The following RNGTT variants were observed in gnomAD, a reference collection of about 807,000 sequenced individuals.
The protein encoded by RNGTT is mRNA-capping enzyme.
In RNGTT, 33 loss-of-function variants were observed where a neutral mutation model predicts 79.3. That is an observed-to-expected ratio of 0.42 (90% confidence interval 0.32 to 0.56). The LOEUF is 0.56. Ranked by LOEUF, RNGTT falls within the 20% of genes least tolerant of loss-of-function variation. The pLI, the probability that RNGTT is intolerant of heterozygous loss-of-function variation, is 0.17. For synonymous variants in RNGTT, 222 were observed against 235.9 expected (o/e 0.94, Z 0.54); for missense variants, 497 against 739.1 (o/e 0.67, Z 3.80).
At chr6:88,791,536 TTTTA>T (rs926777810) in intron 12 of RNGTT, among the ~76,000 whole-genome samples, 7 of 151,796 alleles carry the variant, frequency 4.6e-5, no homozygotes, top group African/African-American at 1.7e-4. Flanking sequence ...CTAAATTTTA[TTTTA>T]TTTATTTATT....
intron 12 of RNGTT, among the ~76,000 whole-genome samples, chr6:88,777,683 A>T (rs974228896): frequency 2.0e-5 from 3 of 152,182 alleles, no homozygotes; most frequent in African/African-American, 7.2e-5. Context: ...TATTGAATTA[A>T]CAGGTTTTTT....
chr6:88,715,661 G>A (rs1241283556), intron 13 of RNGTT, among the ~76,000 whole-genome samples: 12 of 151,976 alleles, frequency 7.9e-5, no homozygotes, highest in East Asian at 3.9e-4. Flanking sequence ...AAATAATGCC[G>A]CATATCTACA....
At chr6:88,623,342 A>C (rs1019778816) in intron 14 of RNGTT, among the ~76,000 whole-genome samples, 1 of 152,084 alleles carries the variant, frequency 6.6e-6, no homozygotes, top group Non-Finnish European at 1.5e-5. Context: ...ATAATTAACT[A>C]TATCGGTAAA....
At chr6:88,773,208 A>G (rs200392867) in intron 12 of RNGTT, among the ~76,000 whole-genome samples, 189 of 144,636 alleles carry the variant, frequency 1.3e-3, no homozygotes, top group East Asian at 2.3e-3. Context: ...TTCTCAGTAA[A>G]CTATCGCAAG....
chr6:88,732,413 T>G (rs1404505372), intron 13 of RNGTT, among the ~76,000 whole-genome samples: 1 of 152,146 alleles, frequency 6.6e-6, no homozygotes, highest in Admixed American at 6.5e-5. Flanking sequence ...CTGCTGGGAA[T>G]GTACAATGGT....
intron 12 of RNGTT, among the ~76,000 whole-genome samples, chr6:88,796,960 G>A (rs1779621631): frequency 6.6e-6 from 1 of 151,994 alleles, no homozygotes; most frequent in Non-Finnish European, 1.5e-5. Flanking sequence ...CCTGAGCTAC[G>A]GTTTATTGCA....
intron 11 of RNGTT, among the ~76,000 whole-genome samples, chr6:88,809,469 C>T (rs1391887240): frequency 6.6e-6 from 1 of 152,016 alleles, no homozygotes; most frequent in Admixed American, 6.5e-5. Flanking sequence ...ATACTCCACC[C>T]AAACCAGGAA....
Position 88,767,581 on chromosome 6 carries a change from C to T in RNGTT, c.1439+2193G>A, listed in dbSNP as rs1160403295. Among the ~76,000 whole-genome samples the T allele has an allele frequency of 2.1e-5, 3 of 145,376 alleles. No individual in the cohort carries two copies. In the Admixed American group the frequency reaches 2.1e-4, roughly 10 times the overall value. On this transcript the variant is annotated intron_variant, in intron 13 of 15. Transcript: ENST00000369485. The stretch of plus-strand genomic sequence containing the variant: ...ACTCTTTAACCAAATACAAATATAG[C>T]ATTAAGAAAAATAGAAGATTTAGTA...
intron 13 of RNGTT, among the ~76,000 whole-genome samples, chr6:88,704,918 GT>G (rs1776080591): frequency 6.6e-6 from 1 of 151,860 alleles, no homozygotes; most frequent in South Asian, 2.1e-4. Flanking sequence ...TCTGGACCAG[GT>G]AGAGCTCCCC....
intron 13 of RNGTT, among the ~76,000 whole-genome samples, chr6:88,766,186 A>G (rs1778454681): frequency 6.6e-6 from 1 of 152,146 alleles, no homozygotes; most frequent in Non-Finnish European, 1.5e-5. Context: ...TGACACACAG[A>G]AAAAAGTAAT....
At chr6:88,669,382 C>G (rs547199917) in intron 14 of RNGTT, among the ~76,000 whole-genome samples, 1 of 152,316 alleles carries the variant, frequency 6.6e-6, no homozygotes, top group East Asian at 1.9e-4. Flanking sequence ...GCCCATGGAT[C>G]CAGTTCCTGA....
chr6:88,892,931 C>A (rs1191842716), intron 6 of RNGTT, among the ~76,000 whole-genome samples: 1 of 151,982 alleles, frequency 6.6e-6, no homozygotes, highest in East Asian at 1.9e-4. Context: ...TACTTTTTGT[C>A]CCTAATTTTG....
intron 13 of RNGTT, among the ~76,000 whole-genome samples, chr6:88,768,542 T>C (rs1400584450): frequency 6.6e-6 from 1 of 152,214 alleles, no homozygotes; most frequent in Non-Finnish European, 1.5e-5. Context: ...TAATATATTT[T>C]AATCTTTTGG....
chr6:88,905,746 TG>T (rs112632829), intron 5 of RNGTT, among the ~76,000 whole-genome samples: 5,188 of 152,200 alleles, frequency 0.034, 313 homozygotes, highest in African/African-American at 0.12. Context: ...TACAAAATAT[TG>T]GAAGAATCTG....
At chr6:88,898,605 T>A (rs1339891266) in intron 6 of RNGTT, among the ~76,000 whole-genome samples, 3 of 151,200 alleles carry the variant, frequency 2.0e-5, no homozygotes, top group Non-Finnish European at 4.4e-5. Context: ...GTATATCTAG[T>A]ATTACTTTTA....
At chr6:88,670,084 G>A (rs1774573658) in intron 14 of RNGTT, among the ~76,000 whole-genome samples, 1 of 152,210 alleles carries the variant, frequency 6.6e-6, no homozygotes, top group African/African-American at 2.4e-5. Context: ...CTACTTGCTA[G>A]CAGTGGAAAG....
At chr6:88,896,227 C>G (rs946415169) in intron 6 of RNGTT, among the ~76,000 whole-genome samples, 15 of 152,164 alleles carry the variant, frequency 9.9e-5, no homozygotes, top group African/African-American at 3.4e-4. Context: ...TAACAACTCT[C>G]TTTAAGGGCT....
rs71554802 is a variant in RNGTT, at chr6:88,817,749, ATTTTTTTTT to A, written c.1270-16126_1270-16118del. ...TTCACCATCCAAGTCTATTCACATC[ATTTTTTTTT>A]TTTTTTTTTTTTTTTTTTTGAGACG... On this transcript the variant is annotated intron_variant, in intron 11 of 15. Transcript: ENST00000369485. Among the ~76,000 whole-genome samples the A allele has an allele frequency of 1.1e-4, 8 of 71,570 alleles. No homozygotes were observed. The East Asian group carries it at 1.2e-3, about 11-fold the overall frequency. The allele number at this position is 71,570 out of a possible 152,430, so 47.0% of individuals were successfully genotyped here. A position where few individuals can be genotyped will look rare whatever the true frequency, so the allele number is the denominator to read the frequency against.
At chr6:88,860,738 G>T (rs1012320491) in intron 8 of RNGTT, among the ~76,000 whole-genome samples, 6 of 151,850 alleles carry the variant, frequency 4.0e-5, no homozygotes, top group Non-Finnish European at 8.8e-5. Context: ...ACTCTGGGAG[G>T]CCAAAGCGGA....
Sources: allele counts gnomAD v4.1 joint callset (sites outside exome capture counted in the v4.1 genomes callset), GRCh38; gene constraint gnomAD v4.1.1; transcripts MANE v1.5; gene names NCBI Gene and HGNC (gene_info 2026-07-23, HGNC 2026-07-21).